The following APBA2 variants were observed in gnomAD, a reference collection of about 807,000 sequenced individuals.
The protein encoded by APBA2 is amyloid-beta A4 precursor protein-binding family A member 2.
APBA2 carries 30 observed loss-of-function variants against 75.0 expected under a neutral mutation model. That is an observed-to-expected ratio of 0.40 (90% confidence interval 0.30 to 0.54). The LOEUF is 0.54. Ranked by LOEUF, APBA2 falls within the 20% of genes least tolerant of loss-of-function variation. The pLI, the probability that APBA2 is intolerant of heterozygous loss-of-function variation, is 0.49. For missense variants in APBA2, 801 were observed against 1,016.1 expected (o/e 0.79, Z 2.88); for synonymous variants, 444 against 409.6 (o/e 1.08, Z -1.01).
chr15:29,067,146 G>A, intron 4 of APBA2, among the ~76,000 whole-genome samples: 1 of 152,158 alleles, frequency 6.6e-6, no homozygotes, highest in East Asian at 1.9e-4. Flanking sequence ...CCAAGGGGAT[G>A]GCCCACATCA....
intron 13 of APBA2, among the ~76,000 whole-genome samples, chr15:29,110,284 G>A (rs1418373742): frequency 1.3e-5 from 2 of 152,182 alleles, no homozygotes; most frequent in African/African-American, 4.8e-5. Context: ...GAGCCGTGCT[G>A]TGCAGAGCCT....
intron 2 of APBA2, among the ~76,000 whole-genome samples, chr15:28,933,842 A>T (rs777979589): frequency 2.0e-5 from 3 of 152,132 alleles, no homozygotes; most frequent in Non-Finnish European, 4.4e-5. Flanking sequence ...AGAGTCCACT[A>T]TCTGGGGTTT....
intron 1 of APBA2, among the ~76,000 whole-genome samples, chr15:28,904,078 G>T (rs1281653465): frequency 6.6e-6 from 1 of 152,206 alleles, no homozygotes; most frequent in Admixed American, 6.5e-5. Flanking sequence ...TTTGGCAAGA[G>T]AGAACACTTT....
At chr15:28,980,369 A>T (rs541611051) in intron 2 of APBA2, among the ~76,000 whole-genome samples, 1 of 152,350 alleles carries the variant, frequency 6.6e-6, no homozygotes, top group Non-Finnish European at 1.5e-5. Context: ...TAACTGATAA[A>T]CAACTTCAAT....
intron 2 of APBA2, among the ~76,000 whole-genome samples, chr15:28,942,486 G>A (rs1197308106): frequency 1.3e-5 from 2 of 152,180 alleles, no homozygotes; most frequent in South Asian, 2.1e-4. Context: ...TGTGAGGGGC[G>A]AATGGGGAGC....
intron 1 of APBA2, among the ~76,000 whole-genome samples, chr15:28,907,394 T>C (rs1464096811): frequency 1.3e-5 from 2 of 152,210 alleles, no homozygotes; most frequent in Non-Finnish European, 2.9e-5. Flanking sequence ...TGGTAAGACT[T>C]TGTTATCTTA....
At chr15:28,970,603 A>G (rs1419299752) in intron 2 of APBA2, 5 of 151,000 alleles carry the variant, frequency 3.3e-5, no homozygotes, top group South Asian at 4.2e-4. Flanking sequence ...TACTTTTTCT[A>G]GTGTAGCAAA....
At chr15:28,890,738 C>T (rs559086882) in intron 1 of APBA2, among the ~76,000 whole-genome samples, 10 of 152,312 alleles carry the variant, frequency 6.6e-5, no homozygotes, top group African/African-American at 1.7e-4. Flanking sequence ...AATACACGCA[C>T]GAGGCCTCTT....
chr15:29,043,540 C>G (rs901596728), intron 3 of APBA2, among the ~76,000 whole-genome samples: 1 of 152,230 alleles, frequency 6.6e-6, no homozygotes, highest in Non-Finnish European at 1.5e-5. Context: ...TCCCATCACT[C>G]GAAGGCAGCC....
intron 10 of APBA2, chr15:29,102,026 T>C (rs1297413598): frequency 1.0e-5 from 6 of 588,208 alleles, no homozygotes; most frequent in Non-Finnish European, 1.8e-5. Context: ...TGGTTAAATA[T>C]ATGAGGGAGC....
chr15:29,010,038 T>C (rs950912918), intron 3 of APBA2, among the ~76,000 whole-genome samples: 1 of 152,200 alleles, frequency 6.6e-6, no homozygotes, highest in Non-Finnish European at 1.5e-5. Flanking sequence ...GGAGTTTCAT[T>C]TGCTCCACAT....
chr15:28,965,543 C>T (rs2036695015), intron 2 of APBA2, among the ~76,000 whole-genome samples: 1 of 152,160 alleles, frequency 6.6e-6, no homozygotes, highest in African/African-American at 2.4e-5. Context: ...TTTTGTTAAG[C>T]CTGTCAGTCA....
intron 1 of APBA2, among the ~76,000 whole-genome samples, chr15:28,909,854 A>G (rs555744894): frequency 6.6e-6 from 1 of 152,192 alleles, no homozygotes; most frequent in Admixed American, 6.5e-5. Flanking sequence ...AGTTAGGTGG[A>G]AGCTCTTAGA....
At chr15:28,992,468 T>C (rs2038286854) in intron 2 of APBA2, among the ~76,000 whole-genome samples, 3 of 152,244 alleles carry the variant, frequency 2.0e-5, no homozygotes, top group Admixed American at 2.0e-4. Flanking sequence ...ACAGAGCCTA[T>C]GATGGCAGTT....
At chr15:28,941,871 C>G (rs1320363637) in intron 2 of APBA2, among the ~76,000 whole-genome samples, 1 of 152,250 alleles carries the variant, frequency 6.6e-6, no homozygotes, top group South Asian at 2.1e-4. Flanking sequence ...ATTCTCCTGC[C>G]TCAGCCTCCC....
chr15:29,094,024 G>T (rs2043719497), intron 7 of APBA2, among the ~76,000 whole-genome samples: 1 of 152,234 alleles, frequency 6.6e-6, no homozygotes, highest in Non-Finnish European at 1.5e-5. Flanking sequence ...CTTCCTGCCG[G>T]CTGATGGCAT....
intron 1 of APBA2, among the ~76,000 whole-genome samples, chr15:28,907,713 G>C (rs1227784924): frequency 6.6e-6 from 1 of 152,120 alleles, no homozygotes; most frequent in Non-Finnish European, 1.5e-5. Flanking sequence ...ATATGACTCC[G>C]AATCTGTGGG....
chr15:29,090,251 C>T (rs116751156), intron 6 of APBA2, among the ~76,000 whole-genome samples: 3 of 152,196 alleles, frequency 2.0e-5, no homozygotes, highest in South Asian at 2.1e-4. Context: ...GGCCTCATCC[C>T]GGAAGCAGGC....
intron 6 of APBA2, among the ~76,000 whole-genome samples, chr15:29,077,447 T>C (rs937957410): frequency 6.6e-5 from 10 of 152,320 alleles, no homozygotes; most frequent in African/African-American, 1.9e-4. Flanking sequence ...TGGACAGAAC[T>C]CTCACACTAG....
Sources: allele counts gnomAD v4.1 joint callset (sites outside exome capture counted in the v4.1 genomes callset), GRCh38; gene constraint gnomAD v4.1.1; transcripts MANE v1.5; gene names NCBI Gene and HGNC (gene_info 2026-07-23, HGNC 2026-07-21).